The following KCNQ1 variants were observed in gnomAD, a reference collection of about 807,000 sequenced individuals.
KCNQ1 encodes potassium voltage-gated channel subfamily Q member 1, also known as potassium voltage-gated channel subfamily KQT member 1.
KCNQ1 carries 49 observed loss-of-function variants against 72.4 expected under a neutral mutation model. The ratio of observed to expected loss-of-function variants is 0.68; its 90% confidence interval spans 0.54 to 0.86. The LOEUF (loss-of-function observed/expected upper bound fraction) is 0.86, where lower values mean the gene tolerates loss of function less well. KCNQ1 is among the 40% of genes least tolerant of loss of function. KCNQ1 has a pLI of 0.00. For synonymous variants in KCNQ1, 450 were observed against 412.6 expected, an observed-to-expected ratio of 1.09 and a Z score of -1.10; for missense variants, 790 against 945.1, an observed-to-expected ratio of 0.84 and a Z score of 2.15.
chr11:2,605,278 A>G (rs1848863323), intron 10 of KCNQ1, among the ~76,000 whole-genome samples: 1 of 152,158 alleles, frequency 6.6e-6, no homozygotes, highest in African/African-American at 2.4e-5. Flanking sequence ...TGAAGCACAA[A>G]AGCTTTTAAT....
rs1167822554 is a variant in KCNQ1 at position 2,611,120 on chromosome 11, A to G, written c.1393+22266A>G. 7.5e-6 allele frequency: 3 copies of G among 397,634 alleles called. No homozygotes were observed. Among genetic ancestry groups the G allele is most frequent in the Non-Finnish European group, 1.3e-5 (3 of 225,804 alleles). 24.6% of individuals were successfully genotyped at this position (397,634 alleles called of 1,614,324 possible). On this transcript the variant is annotated intron_variant, in intron 10 of 15. Coordinates refer to ENST00000155840, the MANE Select transcript of KCNQ1 (RefSeq NM_000218.3). The surrounding 1 kb of genome is among the most constrained non-coding windows in gnomAD (Gnocchi z 5.3). Reference sequence around the variant, plus strand: ...TTTATGACTTCTGTTTATGATTTCTATTTCTTCCTGTTAAATTTTCCCTTT... The same window carrying G: ...TTTATGACTTCTGTTTATGATTTCTGTTTCTTCCTGTTAAATTTTCCCTTT...
At chr11:2,629,624 A>C (rs1849320016) in intron 10 of KCNQ1, 1 of 398,442 alleles carries the variant, frequency 2.5e-6, no homozygotes, top group Admixed American at 4.4e-5. Flanking sequence ...CATGCTTGTC[A>C]GAAATCATGC....
intron 15 of KCNQ1, among the ~76,000 whole-genome samples, chr11:2,832,043 G>A (rs1847962597): frequency 6.6e-6 from 1 of 152,072 alleles, no homozygotes; most frequent in African/African-American, 2.4e-5. Context: ...AGCCCTGCAG[G>A]TGGACAGCTG....
In KCNQ1 at chr11:2,750,279, G is replaced by A. The variant is rs1226856646; in HGVS notation, c.1515-18565G>A. ...ACAGGACGACAGAGCCCTCAGCCCA[G>A]GGCGGAGGACATGGGAGACGGGGGT... On this transcript the variant is annotated intron_variant, in intron 11 of 15. Coordinates refer to ENST00000155840, the MANE Select transcript of KCNQ1 (RefSeq NM_000218.3). This position sits in a 1 kb window ranked among gnomAD's most constrained non-coding sequence, Gnocchi z 6.3. 6.6e-6 allele frequency among the ~76,000 whole-genome samples: 1 copy of A among 152,226 alleles called. No individual in the cohort carries two copies. Among genetic ancestry groups the A allele is most frequent in the Non-Finnish European group, 1.5e-5 (1 of 68,044 alleles).
chr11:2,518,609 G>C lies in KCNQ1; in HGVS notation c.387-9319G>C, dbSNP rs1030820856. ...CTGGGGACAGCCTTGGTCCTGCTGT[G>C]GGACACAGGTTTAATCTCCAGATGG... is the stretch of plus-strand genomic sequence containing the variant. On this transcript the variant is annotated intron_variant, in intron 1 of 15. Transcript: ENST00000155840. Among the ~76,000 whole-genome samples the C allele has an allele frequency of 8.5e-5, 13 of 152,310 alleles. No homozygotes were observed. In the Middle Eastern group the frequency reaches 0.01, roughly 120 times the overall value.
Position 2,526,723 on chromosome 11 carries a change from T to G in KCNQ1, c.387-1205T>G, listed in dbSNP as rs111668704. On this transcript the variant is annotated intron_variant, in intron 1 of 15. Coordinates refer to ENST00000155840, the MANE Select transcript of KCNQ1 (RefSeq NM_000218.3). This position sits in a 1 kb window ranked among gnomAD's most constrained non-coding sequence, Gnocchi z 6.1. Reference sequence around the variant, plus strand: ...TCTGGACAGGTGGAAGAGGATGGGTTCTGGGTGGGGCTGACTTCAGGAGGC... The same window carrying G: ...TCTGGACAGGTGGAAGAGGATGGGTGCTGGGTGGGGCTGACTTCAGGAGGC... Among the ~76,000 whole-genome samples, 2,479 of 151,850 alleles carry G rather than the reference T, an allele frequency of 0.016. 47 individuals are homozygous for G. The highest frequency in any genetic ancestry group is 0.044 in the African/African-American group (1,834 of 41,378).
In KCNQ1 at chr11:2,463,090, G is replaced by C. The variant is rs917874582; in HGVS notation, c.386+17606G>C. On this transcript the variant is annotated intron_variant, in intron 1 of 15. Coordinates refer to ENST00000155840, the MANE Select transcript of KCNQ1 (RefSeq NM_000218.3). This position sits in a 1 kb window ranked among gnomAD's most constrained non-coding sequence, Gnocchi z 7.0. The stretch of plus-strand genomic sequence containing the variant: ...TCAGGGATATACCTGCTGTCAGGGT[G>C]TGGGGAGTGGGAAGTGGGGGACGGG... Among the ~76,000 whole-genome samples, 1 of 146,458 alleles carries C rather than the reference G, an allele frequency of 6.8e-6. No individual in the cohort carries two copies. The highest frequency in any genetic ancestry group is 1.6e-5 in the Non-Finnish European group (1 of 63,992).
chr11:2,513,234 C>T (rs1165557257), intron 1 of KCNQ1, among the ~76,000 whole-genome samples: 1 of 152,162 alleles, frequency 6.6e-6, no homozygotes, highest in Non-Finnish European at 1.5e-5. Context: ...CTCCAGGGGC[C>T]GTCACTCACC....
Position 2,715,580 on chromosome 11 carries a change from C to T in KCNQ1, c.1515-53264C>T, listed in dbSNP as rs11600464. Among the ~76,000 whole-genome samples, 42 of 152,156 alleles carry T rather than the reference C, an allele frequency of 2.8e-4. No individual in the cohort carries two copies. The highest frequency in any genetic ancestry group is 5.4e-4 in the Non-Finnish European group (37 of 68,006). On this transcript the variant is annotated intron_variant, in intron 11 of 15. Transcript: ENST00000155840. The surrounding 1 kb of genome is among the most constrained non-coding windows in gnomAD (Gnocchi z 4.9). Reference sequence around the variant, plus strand: ...GTGCCCAAGCCTTCCTCTTCCACCACCCCTGCTGGGGTCCCCTGGGACCCA... The same window carrying T: ...GTGCCCAAGCCTTCCTCTTCCACCATCCCTGCTGGGGTCCCCTGGGACCCA...
At chr11:2,615,779 G>C in intron 10 of KCNQ1, 1 of 397,782 alleles carries the variant, frequency 2.5e-6, no homozygotes, top group Non-Finnish European at 4.4e-6. Flanking sequence ...GCTGAATTTG[G>C]CTTACTAGTA....
At chr11:2,719,192 T>C (rs1225367523) in intron 11 of KCNQ1, among the ~76,000 whole-genome samples, 1 of 152,162 alleles carries the variant, frequency 6.6e-6, no homozygotes, top group African/African-American at 2.4e-5. Context: ...ACAATGGCTA[T>C]GTACATAAGA....
Position 2,676,898 on chromosome 11 carries a change from G to C in KCNQ1, c.1514+14817G>C. ...ATTTCTTAGTAAGTGTTCAGCCCCA[G>C]TGTGCACCACTTAAAAGGAAGACAC... is the stretch of plus-strand genomic sequence containing the variant. On this transcript the variant is annotated intron_variant, in intron 11 of 15. Coordinates refer to ENST00000155840, the MANE Select transcript of KCNQ1 (RefSeq NM_000218.3). This position sits in a 1 kb window ranked among gnomAD's most constrained non-coding sequence, Gnocchi z 4.2. 2.5e-6 allele frequency: 1 copy of C among 398,620 alleles called. No homozygotes were observed. 24.7% of individuals were successfully genotyped at this position (398,620 alleles called of 1,614,324 possible). A position where few individuals can be genotyped will look rare whatever the true frequency, so the allele number is the denominator to read the frequency against.
chr11:2,748,441 A>G lies in KCNQ1; in HGVS notation c.1515-20403A>G, dbSNP rs1846172134. 6.6e-6 allele frequency among the ~76,000 whole-genome samples: 1 copy of G among 151,790 alleles called. No homozygotes were observed. Among genetic ancestry groups the G allele is most frequent in the South Asian group, 2.1e-4 (1 of 4,798 alleles). On this transcript the variant is annotated intron_variant, in intron 11 of 15. Transcript: ENST00000155840. The surrounding 1 kb of genome is among the most constrained non-coding windows in gnomAD (Gnocchi z 6.2). ...GGGTCCCTATCAGATGCCCCTGGGT[A>G]CCTCCCCAGGCAGGGCCCTCAGCAC... is the stretch of plus-strand genomic sequence containing the variant.
At chr11:2,635,492 A>G (rs1220462786) in intron 10 of KCNQ1, 3 of 152,186 alleles carry the variant, frequency 2.0e-5, no homozygotes, top group Non-Finnish European at 2.9e-5. Flanking sequence ...AGATGATTGT[A>G]GATGTGTGGT....
rs983959515 is a variant in KCNQ1 at position 2,671,908 on chromosome 11, C to T, written c.1514+9827C>T. 13 of 398,574 alleles carry T rather than the reference C, an allele frequency of 3.3e-5. No homozygotes were observed. The highest frequency in any genetic ancestry group is 4.1e-5 in the African/African-American group (2 of 48,614). The allele number at this position is 398,574 out of a possible 1,614,324, so 24.7% of individuals were successfully genotyped here. A position where few individuals can be genotyped will look rare whatever the true frequency, so the allele number is the denominator to read the frequency against. On this transcript the variant is annotated intron_variant, in intron 11 of 15. Coordinates refer to ENST00000155840, the MANE Select transcript of KCNQ1 (RefSeq NM_000218.3). This position sits in a 1 kb window ranked among gnomAD's most constrained non-coding sequence, Gnocchi z 4.7. ...CAGCACCAGGCAGCCAGCCTGTGGG[C>T]CCCGCTATGCTTCCTCAGGCAGCTA... is the stretch of plus-strand genomic sequence containing the variant.
chr11:2,841,080 A>G (rs1263506961), intron 15 of KCNQ1, among the ~76,000 whole-genome samples: 2 of 152,150 alleles, frequency 1.3e-5, no homozygotes, highest in Non-Finnish European at 2.9e-5. Flanking sequence ...AGATCAATAA[A>G]CCGGGACATT....
At position 2,642,329 on chromosome 11, in the gene KCNQ1, T is replaced by A; in HGVS notation, c.1394-19632T>A. On this transcript the variant is annotated intron_variant, in intron 10 of 15. Transcript: ENST00000155840. This position sits in a 1 kb window ranked among gnomAD's most constrained non-coding sequence, Gnocchi z 4.3. ...TTTTCCTTGTTAGAGGTTTCTCACC[T>A]CTTTGGTTAAACTCATTCCTAGATT... 2.5e-6 allele frequency: 1 copy of A among 398,296 alleles called. No individual in the cohort carries two copies. Among genetic ancestry groups the A allele is most frequent in the Admixed American group, 4.4e-5 (1 of 22,736 alleles). 24.7% of individuals were successfully genotyped at this position (398,296 alleles called of 1,614,324 possible).
chr11:2,656,774 AAAAC>A, intron 10 of KCNQ1: 1 of 398,664 alleles, frequency 2.5e-6, no homozygotes, highest in Non-Finnish European at 4.4e-6. Flanking sequence ...TCTTTTAAAA[AAAAC>A]CATCCTAATG....
intron 15 of KCNQ1, among the ~76,000 whole-genome samples, chr11:2,795,746 G>T (rs1847115660): frequency 6.6e-6 from 1 of 152,184 alleles, no homozygotes; most frequent in South Asian, 2.1e-4. Context: ...ATATTTTTCT[G>T]CTCCACAAAC....
Sources: gnomAD v4.1 joint callset for allele counts (sites outside exome capture counted in the v4.1 genomes callset) on GRCh38, gnomAD v4.1.1 for gene constraint, Gnocchi (gnomAD v3.1) non-coding constraint, MANE v1.5 for transcripts, NCBI Gene and HGNC (gene_info 2026-07-23, HGNC 2026-07-21) for gene names.